Variants in PARM1 observed in about 807,000 individuals in gnomAD.
PARM1 encodes prostate androgen-regulated mucin-like protein 1.
In PARM1, 14 loss-of-function variants were observed where a neutral mutation model predicts 24.6. The ratio of observed to expected loss-of-function variants is 0.57; its 90% CI spans 0.38 to 0.89. PARM1 has a LOEUF of 0.89. Ranked by LOEUF, PARM1 falls within the 40% of genes least tolerant of loss-of-function variation. The pLI is 0.00. For synonymous variants in PARM1, 179 were observed against 156.6 expected (o/e 1.14, Z -1.07); for missense variants, 362 against 380.4 (o/e 0.95, Z 0.40).
In PARM1 at chr4:74,936,458, T is replaced by TTG. The variant is rs1721189261; in HGVS notation, c.43+3089_43+3090insGT. 4.2e-5 allele frequency among the ~76,000 whole-genome samples: 6 copies of TTG among 142,508 alleles called. No individual in the cohort carries two copies. In the South Asian group the frequency reaches 1.3e-3, roughly 31 times the overall value. 93.5% of individuals were successfully genotyped at this position (142,508 alleles called of 152,430 possible). A position where few individuals can be genotyped will look rare whatever the true frequency, so the allele number is the denominator to read the frequency against. ...CAAGTGTTTTTTTTTTGTTTGTTTT[T>TTG]TTGTTTTTTTTTTGAGATGGAGTCT... On this transcript the variant is annotated intron_variant, in intron 1 of 3. Coordinates refer to ENST00000307428, the MANE Select transcript of PARM1 (RefSeq NM_015393.4).
chr4:74,994,014 C>T (rs1341127028), intron 1 of PARM1: 2 of 152,078 alleles, frequency 1.3e-5, no homozygotes, highest in Non-Finnish European at 2.9e-5. Context: ...AAAGACTTCA[C>T]AGAGGACCCA....
intron 1 of PARM1, among the ~76,000 whole-genome samples, chr4:74,946,220 G>C (rs889772204): frequency 2.0e-5 from 3 of 152,278 alleles, no homozygotes; most frequent in African/African-American, 4.8e-5. Context: ...TGGACTAGAC[G>C]TTGAACCCAG....
At chr4:75,022,474 A>C (rs11730113) in intron 2 of PARM1, among the ~76,000 whole-genome samples, 49,915 of 152,162 alleles carry the variant, frequency 0.33, 10,097 homozygotes, top group South Asian at 0.46. Context: ...TCAGCTATTT[A>C]CTATCTATTT....
rs571736017 is a variant in PARM1, at chr4:75,019,784, A to G, written c.769+6634A>G. 3.1e-3 allele frequency among the ~76,000 whole-genome samples: 468 copies of G among 151,644 alleles called. 3 individuals are homozygous for G. Among genetic ancestry groups the G allele is most frequent in the Middle Eastern group, 0.014 (4 of 294 alleles). On this transcript the variant is annotated intron_variant, in intron 2 of 3. Transcript: ENST00000307428. ...TTTGGGAGGCCGAGGCGGGTGGATC[A>G]TGAGGTCAGGAGATCGAGACCATCC...
At chr4:75,013,712 G>A (rs561112583) in intron 2 of PARM1, among the ~76,000 whole-genome samples, 1 of 152,312 alleles carries the variant, frequency 6.6e-6, no homozygotes, top group East Asian at 1.9e-4. Context: ...GAGTAGGAGT[G>A]GAGAAAACTT....
Position 75,038,064 on chromosome 4 carries a change from A to G in PARM1, c.848+4103A>G, listed in dbSNP as rs963781602. 3.9e-5 allele frequency among the ~76,000 whole-genome samples: 6 copies of G among 152,036 alleles called. No homozygotes were observed. In the East Asian group the frequency reaches 9.7e-4, roughly 25 times the overall value. On this transcript the variant is annotated intron_variant, in intron 3 of 3. Coordinates refer to ENST00000307428, the MANE Select transcript of PARM1 (RefSeq NM_015393.4). ...CCTGAGTAGCTGGGACTACAGGCAC[A>G]CACCACCACACCTGGCTAATTTTTG...
At chr4:74,977,528 T>C (rs904893718) in intron 1 of PARM1, among the ~76,000 whole-genome samples, 1 of 152,188 alleles carries the variant, frequency 6.6e-6, no homozygotes, top group Non-Finnish European at 1.5e-5. Context: ...TGGACCCAAG[T>C]TGGAAAACAT....
rs947767209 is a variant in PARM1 at position 75,012,986 on chromosome 4, C to T, written c.605C>T (p.Ser202Phe). The stretch of plus-strand genomic sequence containing the variant: ...GAGTCCCCGACAGAGGAGTCCAGCT[C>T]TGACCACACACCCACTTCACATGCC... ...APESPTEESS[S>F]DHTPTSHATA... The change falls in exon 2 of 4, where the codon TCT (serine) becomes TTT (phenylalanine). Residue 202 changes from serine to phenylalanine, a missense_variant. Coordinates refer to ENST00000307428, the MANE Select transcript of PARM1 (RefSeq NM_015393.4). The T allele has an allele frequency of 6.2e-7, 1 of 1,614,020 alleles. No individual in the cohort carries two copies.
In PARM1 at chr4:75,046,118, G is replaced by T. The variant is rs780770708; in HGVS notation, c.849-45G>T. On this transcript the variant is annotated intron_variant, in intron 3 of 3. Transcript: ENST00000307428. ...AGGGCATTACGCTGTCCTCAGATGG[G>T]CAACTTTTCCAAGTAATCACAACCC... is the stretch of plus-strand genomic sequence containing the variant. 7 of 1,347,510 alleles carry T rather than the reference G, an allele frequency of 5.2e-6. No homozygotes were observed. In the East Asian group the frequency reaches 1.6e-4, roughly 31 times the overall value. 83.5% of individuals were successfully genotyped at this position (1,347,510 alleles called of 1,614,324 possible).
chr4:75,020,910 G>A (rs1723078774), intron 2 of PARM1, among the ~76,000 whole-genome samples: 1 of 152,198 alleles, frequency 6.6e-6, no homozygotes, highest in African/African-American at 2.4e-5. Context: ...CCTGTCCAGT[G>A]TTGGCCTCCC....
At chr4:75,018,482 T>C (rs1723029424) in intron 2 of PARM1, among the ~76,000 whole-genome samples, 1 of 152,252 alleles carries the variant, frequency 6.6e-6, no homozygotes, top group African/African-American at 2.4e-5. Context: ...AACTGTTTTC[T>C]GGTTTGTCAT....
At chr4:75,040,155 T>C (rs1723453328) in intron 3 of PARM1, among the ~76,000 whole-genome samples, 1 of 152,206 alleles carries the variant, frequency 6.6e-6, no homozygotes, top group African/African-American at 2.4e-5. Flanking sequence ...GCAGTAACAT[T>C]CGTTTACTCC....
At chr4:74,933,685 C>T (rs1044686554) in intron 1 of PARM1, among the ~76,000 whole-genome samples, 1 of 152,192 alleles carries the variant, frequency 6.6e-6, no homozygotes, top group South Asian at 2.1e-4. Context: ...CAAGGCTTCT[C>T]TTTCTTCACC....
At chr4:75,015,977 C>A (rs1321367330) in intron 2 of PARM1, among the ~76,000 whole-genome samples, 1 of 152,180 alleles carries the variant, frequency 6.6e-6, no homozygotes, top group East Asian at 1.9e-4. Context: ...CCACATTTTG[C>A]ATAGCATTTT....
At chr4:75,008,193 A>G (rs1405470265) in intron 1 of PARM1, among the ~76,000 whole-genome samples, 4 of 152,236 alleles carry the variant, frequency 2.6e-5, no homozygotes, top group African/African-American at 2.4e-5. Flanking sequence ...TCAAATGAAG[A>G]TAACCAACAT....
At chr4:74,934,057 C>G (rs1032344938) in intron 1 of PARM1, among the ~76,000 whole-genome samples, 1 of 152,166 alleles carries the variant, frequency 6.6e-6, no homozygotes, top group African/African-American at 2.4e-5. Flanking sequence ...CTCCCCTCCC[C>G]CTGCACCACC....
At chr4:74,985,289 CT>C (rs1386745491) in intron 1 of PARM1, among the ~76,000 whole-genome samples, 1 of 152,154 alleles carries the variant, frequency 6.6e-6, no homozygotes, top group African/African-American at 2.4e-5. Context: ...ATATGGTTGT[CT>C]GTCTGTGTCA....
intron 1 of PARM1, among the ~76,000 whole-genome samples, chr4:74,950,600 T>A (rs755412504): frequency 6.6e-6 from 1 of 152,230 alleles, no homozygotes; most frequent in Admixed American, 6.5e-5. Context: ...TTGGGGAACA[T>A]GGTTCAACTT....
chr4:75,028,414 T>C lies in PARM1; in HGVS notation c.770-5469T>C, dbSNP rs1723220409. ...AGACAAAATGTTCCTTTCCTCTTGG[T>C]GACCTTGACTGAAGGAGCTGCGGCA... On this transcript the variant is annotated intron_variant, in intron 2 of 3. Coordinates refer to ENST00000307428, the MANE Select transcript of PARM1 (RefSeq NM_015393.4). Among the ~76,000 whole-genome samples, 4 of 152,236 alleles carry C rather than the reference T, an allele frequency of 2.6e-5. No individual in the cohort carries two copies. The South Asian group carries it at 8.3e-4, about 32-fold the overall frequency.
Sources: gnomAD v4.1 joint callset for allele counts (sites outside exome capture counted in the v4.1 genomes callset) on GRCh38, gnomAD v4.1.1 for gene constraint, MANE v1.5 for transcripts, NCBI Gene and HGNC (gene_info 2026-07-23, HGNC 2026-07-21) for gene names.